DLGAP2: variants seen among roughly 807,000 people sequenced by gnomAD.
DLGAP2 encodes DLG associated protein 2, also known as disks large-associated protein 2.
A neutral mutation model predicts 100.3 loss-of-function variants in DLGAP2; 26 were observed. The observed-to-expected ratio is 0.26, with a 90% CI of 0.19 to 0.36. The LOEUF is 0.36. DLGAP2 is among the 10% of genes least tolerant of loss of function. The pLI, the probability that DLGAP2 is intolerant of heterozygous loss-of-function variation, is 1.00. For synonymous variants in DLGAP2, 886 were observed against 630.1 expected (o/e 1.41, Z -6.08); for missense variants, 1,858 against 1,453.2 (o/e 1.28, Z -4.53).
chr8:1,389,843 C>T (rs1484564092), intron 3 of DLGAP2, among the ~76,000 whole-genome samples: 4 of 152,204 alleles, frequency 2.6e-5, no homozygotes, highest in East Asian at 1.9e-4. Flanking sequence ...CTGCCCCAGA[C>T]CCAGATCTGC....
At chr8:1,312,919 A>G (rs1164049566) in intron 3 of DLGAP2, among the ~76,000 whole-genome samples, 2 of 152,204 alleles carry the variant, frequency 1.3e-5, no homozygotes, top group Non-Finnish European at 2.9e-5. Flanking sequence ...CCATAAAATG[A>G]GTGAGGCCAA....
intron 2 of DLGAP2, among the ~76,000 whole-genome samples, chr8:1,157,951 C>G (rs1040271231): frequency 1.9e-4 from 29 of 152,202 alleles, no homozygotes; most frequent in African/African-American, 7.0e-4. Flanking sequence ...TTCACTGTGC[C>G]TTCAAGAGTA....
At chr8:799,094 A>G (rs1037059198) in intron 1 of DLGAP2, among the ~76,000 whole-genome samples, 1 of 152,188 alleles carries the variant, frequency 6.6e-6, no homozygotes, top group Non-Finnish European at 1.5e-5. Context: ...CTCACCCCAC[A>G]TGCTCACACC....
intron 1 of DLGAP2, among the ~76,000 whole-genome samples, chr8:877,023 A>T (rs1337663726): frequency 3.4e-5 from 5 of 148,764 alleles, no homozygotes; most frequent in African/African-American, 1.2e-4. Flanking sequence ...TATTTTTTGC[A>T]ACATTCTTCT....
At chr8:1,533,246 T>C (rs1283378805) in intron 4 of DLGAP2, among the ~76,000 whole-genome samples, 3 of 151,978 alleles carry the variant, frequency 2.0e-5, no homozygotes, top group East Asian at 1.9e-4. Context: ...TGCCTGTAAT[T>C]CCAGCACTTT....
At chr8:1,331,338 A>C (rs1801153314) in intron 3 of DLGAP2, among the ~76,000 whole-genome samples, 1 of 152,008 alleles carries the variant, frequency 6.6e-6, no homozygotes, top group Non-Finnish European at 1.5e-5. Context: ...GTCCTCACAC[A>C]CCCGTTTCAC....
intron 3 of DLGAP2, among the ~76,000 whole-genome samples, chr8:1,262,224 C>T (rs11136374): frequency 0.38 from 58,354 of 151,972 alleles, 12,128 homozygotes; most frequent in Middle Eastern, 0.5. Flanking sequence ...GGAATCTCTA[C>T]GATGGTGTGG....
Position 1,569,294 on chromosome 8 carries a change from A to G in DLGAP2, c.1442+3400A>G, listed in dbSNP as rs988726115. ...TCCATTGATGAGTCCAACAAATGTC[A>G]GGCATTCTGCCAAACTCGATTTATA... On this transcript the variant is annotated intron_variant, in intron 6 of 14. Transcript: ENST00000637795. Among the ~76,000 whole-genome samples the G allele has an allele frequency of 9.2e-5, 14 of 152,388 alleles. No homozygotes were observed. The East Asian group carries it at 2.7e-3, about 29-fold the overall frequency.
intron 2 of DLGAP2, among the ~76,000 whole-genome samples, chr8:978,174 T>C (rs1386111758): frequency 2.2e-5 from 3 of 134,118 alleles, no homozygotes; most frequent in African/African-American, 8.0e-5. Context: ...AGTGAGAGGG[T>C]GGGTTCTGGT....
At chr8:830,894 CTTTT>C (rs5888818) in intron 1 of DLGAP2, among the ~76,000 whole-genome samples, 16 of 110,606 alleles carry the variant, frequency 1.4e-4, no homozygotes, top group Non-Finnish European at 2.5e-4. Flanking sequence ...TCAGCTGTGA[CTTTT>C]TTTTTTTTTT....
chr8:1,632,866 T>G lies in DLGAP2; in HGVS notation c.1630T>G (p.Cys544Gly). 6.2e-7 allele frequency: 1 copy of G among 1,613,804 alleles called. No individual in the cohort carries two copies. The highest frequency in any genetic ancestry group is 8.5e-7 in the Non-Finnish European group (1 of 1,179,756). ...AEINGQFESV[C>G]ESVFSEVESQ... The stretch of plus-strand genomic sequence containing the variant: ...GATCAATGGGCAATTCGAGTCCGTG[T>G]GCGAGTCCGTCTTCAGTGAAGTTGA... The change falls in exon 8 of 15, where the codon TGC becomes GGC. Residue 544 changes from cysteine to glycine, a missense_variant. Transcript: ENST00000637795.
chr8:785,319 C>T (rs1429953071), intron 1 of DLGAP2, among the ~76,000 whole-genome samples: 1 of 150,878 alleles, frequency 6.6e-6, no homozygotes, highest in African/African-American at 2.4e-5. Flanking sequence ...GGGCGATTCC[C>T]ATGTGGCTCA....
intron 1 of DLGAP2, among the ~76,000 whole-genome samples, chr8:883,811 C>T (rs1318015303): frequency 1.3e-5 from 2 of 152,204 alleles, no homozygotes; most frequent in Non-Finnish European, 2.9e-5. Flanking sequence ...TCGCAACAGG[C>T]CCTGGTGTGT....
At chr8:1,557,459 A>C (rs941354003) in intron 5 of DLGAP2, among the ~76,000 whole-genome samples, 2 of 152,056 alleles carry the variant, frequency 1.3e-5, no homozygotes, top group East Asian at 3.9e-4. Context: ...GGCAGAGGGC[A>C]GGGGTGAGCA....
At chr8:1,106,219 G>T (rs1181633943) in intron 2 of DLGAP2, among the ~76,000 whole-genome samples, 1 of 135,966 alleles carries the variant, frequency 7.4e-6, no homozygotes, top group South Asian at 2.5e-4. Context: ...GGAGGATTTT[G>T]TATTGAAGGG....
intron 8 of DLGAP2, among the ~76,000 whole-genome samples, chr8:1,647,284 T>C (rs4876115): frequency 0.25 from 38,532 of 151,460 alleles, 5,736 homozygotes; most frequent in Middle Eastern, 0.41. Flanking sequence ...AAAAAGTGTG[T>C]CTTTATCCTG....
chr8:1,655,599 T>G lies in DLGAP2; in HGVS notation c.1811-12730T>G, dbSNP rs571173220. Among the ~76,000 whole-genome samples the G allele has an allele frequency of 6.2e-5, 9 of 145,220 alleles. No individual in the cohort carries two copies. The South Asian group carries it at 1.9e-3, about 31-fold the overall frequency. On this transcript the variant is annotated intron_variant, in intron 8 of 14. Transcript: ENST00000637795. ...AGAATTCCAGGTGTAGAAGGATAATTAAACATGTGTTTAAAGCGATGATGG... is the reference window on the plus strand; with the variant it reads ...AGAATTCCAGGTGTAGAAGGATAATGAAACATGTGTTTAAAGCGATGATGG...
At chr8:1,273,079 A>G (rs1799614826) in intron 3 of DLGAP2, among the ~76,000 whole-genome samples, 1 of 152,078 alleles carries the variant, frequency 6.6e-6, no homozygotes, top group Non-Finnish European at 1.5e-5. Context: ...CGGGTCCTGA[A>G]TTTTTACCTC....
chr8:995,031 G>A (rs535132807), intron 2 of DLGAP2, among the ~76,000 whole-genome samples: 1 of 152,122 alleles, frequency 6.6e-6, no homozygotes, highest in African/African-American at 2.4e-5. Context: ...TTCTAATGCT[G>A]TTCTGTTCAG....
Sources: gnomAD v4.1 joint callset for allele counts (sites outside exome capture counted in the v4.1 genomes callset) on GRCh38, gnomAD v4.1.1 for gene constraint, MANE v1.5 for transcripts, NCBI Gene and HGNC (gene_info 2026-07-23, HGNC 2026-07-21) for gene names.